FAT2: variants seen among roughly 807,000 people sequenced by gnomAD.
FAT2 encodes the protein FAT atypical cadherin 2.
In FAT2, 150 loss-of-function variants were observed where a neutral mutation model predicts 295.3. The ratio of observed to expected loss-of-function variants is 0.51; its 90% CI spans 0.44 to 0.58. FAT2 has a LOEUF of 0.58. Among genes scored for constraint, FAT2 ranks in the 20% least tolerant of loss-of-function variants. FAT2 has a pLI of 0.00. For missense variants in FAT2, 4,868 were observed against 5,442.7 expected, an observed-to-expected ratio of 0.89 and a Z score of 3.32; for synonymous variants, 2,026 against 2,150.3, an observed-to-expected ratio of 0.94 and a Z score of 1.60.
At position 151,525,866 on chromosome 5, in the gene FAT2, TC is replaced by T. The variant is rs758237903; in HGVS notation, c.10407del (p.Asn3470ThrfsTer8). ...GTCACTCGGAAGGCAGAGCCGTTGTTCCCCTTGGTGATTCGAAACGAGTAGG... is the reference window on the plus strand; with the variant it reads ...GTCACTCGGAAGGCAGAGCCGTTGTTCCCTTGGTGATTCGAAACGAGTAGG... ...GPPYSFRITKGNNGSAFRVTP... is the reference protein window; with the variant it reads ...GPPYSFRITKXNNGSAFRVTP... On this transcript the variant is annotated frameshift_variant, in exon 18 of 24. Transcript: ENST00000261800. LOFTEE classifies it high-confidence loss of function. 6 of 1,613,952 alleles carry T rather than the reference TC, an allele frequency of 3.7e-6. No individual in the cohort carries two copies. The African/African-American group carries it at 8.0e-5, about 22-fold the overall frequency.
rs1270010456 is a variant in FAT2 at position 151,521,389 on chromosome 5, T to C, written c.11204A>G (p.Gln3735Arg). 1.9e-6 allele frequency: 3 copies of C among 1,614,208 alleles called. No individual in the cohort carries two copies. The highest frequency in any genetic ancestry group is 3.3e-5 in the Admixed American group (2 of 60,022). ...CAGATGCACTGTGTTATGGCAGATT[T>C]GACCCTGGCAGGTTGGCCCCTGGCA... ...VPCQGPTCQG[Q>R]ICHNTVHLDP... Residue 3735 changes from glutamine to arginine, a missense_variant, in exon 19 of 24, where the codon CAA becomes CGA. Gln to Arg is a conservative substitution (Grantham distance 43). This residue lies in a region of FAT2 where 1,046 missense variants were observed against 1,210.1 expected (regional missense o/e 0.86). Coordinates refer to ENST00000261800, the MANE Select transcript of FAT2 (RefSeq NM_001447.3).
intron 1 of FAT2, 42 bp from the exon 2 acceptor site, chr5:151,568,993 A>T: frequency 6.6e-7 from 1 of 1,517,066 alleles, no homozygotes; most frequent in Non-Finnish European, 8.8e-7. Context: ...TAGGGGGAAA[A>T]AATGGTTTCT....
intron 1 of FAT2, among the ~76,000 whole-genome samples, chr5:151,575,932 T>C (rs941582537): frequency 6.6e-6 from 1 of 152,248 alleles, no homozygotes; most frequent in Non-Finnish European, 1.5e-5. Context: ...TTTTATCTTA[T>C]TTTAATTCAT....
At chr5:151,553,984 C>T (rs1171491852) in intron 5 of FAT2, among the ~76,000 whole-genome samples, 1 of 152,214 alleles carries the variant, frequency 6.6e-6, no homozygotes, top group African/African-American at 2.4e-5. Context: ...TGGCTTCTCA[C>T]AAGAAAGACG....
At chr5:151,526,300 T>C (rs952020709) in intron 17 of FAT2, among the ~76,000 whole-genome samples, 5 of 152,200 alleles carry the variant, frequency 3.3e-5, no homozygotes, top group Non-Finnish European at 7.3e-5. Context: ...TGTATTTAAA[T>C]TAGTTATTAC....
At chr5:151,539,747 CAGCA>C (rs1451691805) in intron 11 of FAT2, among the ~76,000 whole-genome samples, 1 of 152,230 alleles carries the variant, frequency 6.6e-6, no homozygotes, top group Admixed American at 6.5e-5. Context: ...AGCTCCATGA[CAGCA>C]ATTGTTGGTT....
chr5:151,594,566 A>G (rs1291656130), upstream of FAT2, among the ~76,000 whole-genome samples: 1 of 152,210 alleles, frequency 6.6e-6, no homozygotes, highest in Admixed American at 6.5e-5. Flanking sequence ...AACATTCTAG[A>G]GTTCTAAAGT....
Position 151,567,265 on chromosome 5 carries a change from T to C in FAT2, c.1667A>G (p.Asn556Ser), listed in dbSNP as rs1231201780. The C allele has an allele frequency of 1.2e-6, 2 of 1,614,132 alleles. No individual in the cohort carries two copies. Among genetic ancestry groups the C allele is most frequent in the South Asian group, 2.2e-5 (2 of 91,058 alleles). ...KEVSIFLQLRNLNDNQPMFEE... is the reference protein window; with the variant it reads ...KEVSIFLQLRSLNDNQPMFEE... ...AAACATAGGCTGGTTGTCATTCAAG[T>C]TCCTGAGCTGAAGAAAAATGGACAC... Residue 556 changes from asparagine (N) to serine (S), a missense_variant, in exon 2 of 24, where the codon AAC (asparagine) becomes AGC (serine). Transcript: ENST00000261800.
At position 151,575,720 on chromosome 5, in the gene FAT2, G is replaced by A. The variant is rs184116169; in HGVS notation, c.-20-6769C>T. ...GGATGCAAGCACCAGCACAGAATAA[G>A]GATCCATATTCTAGGAAGAGAGACA... On this transcript the variant is annotated intron_variant, in intron 1 of 23. Coordinates refer to ENST00000261800, the MANE Select transcript of FAT2 (RefSeq NM_001447.3). Among the ~76,000 whole-genome samples the A allele has an allele frequency of 1.2e-3, 178 of 152,312 alleles. 1 individual carries two copies. Among genetic ancestry groups the A allele is most frequent in the Admixed American group, 4.7e-3 (72 of 15,296 alleles).
chr5:151,512,125 G>A lies in FAT2; in HGVS notation c.11905+40C>T. ...GCTTTTCCCACCTGAAGAGCCTTCTGGGATAAACCCTGGGTTCAGCCTGGC... is the reference window on the plus strand; with the variant it reads ...GCTTTTCCCACCTGAAGAGCCTTCTAGGATAAACCCTGGGTTCAGCCTGGC... On this transcript the variant is annotated intron_variant, in intron 21 of 23. Transcript: ENST00000261800. The surrounding 1 kb of genome is among the most constrained non-coding windows in gnomAD (Gnocchi z 4.1). 1 of 1,579,272 alleles carries A rather than the reference G, an allele frequency of 6.3e-7. No individual in the cohort carries two copies.
intron 1 of FAT2, among the ~76,000 whole-genome samples, chr5:151,588,785 G>A (rs1473631305): frequency 1.3e-5 from 2 of 152,160 alleles, no homozygotes; most frequent in Non-Finnish European, 2.9e-5. Context: ...CACTCTAGGA[G>A]GAAGAGAGAA....
chr5:151,514,469 C>T (rs1029828934), intron 20 of FAT2, among the ~76,000 whole-genome samples: 3 of 152,238 alleles, frequency 2.0e-5, no homozygotes, highest in Admixed American at 2.0e-4. Flanking sequence ...AAACCCACAA[C>T]TATGGAAAAA....
rs1757208685 is a variant in FAT2 at position 151,551,473 on chromosome 5, G to A, written c.4290C>T (p.Ala1430=). ...VEVTDGSRTI[A]TQVHIFMIAN... ...CCCAGCCGAGGCCTCTAACCTGTGT[G>A]GCAATGGTGCGGGACCCATCTGTCA... Residue 1430 remains alanine, a synonymous_variant, in exon 7 of 24, where the codon GCC becomes GCT. Coordinates refer to ENST00000261800, the MANE Select transcript of FAT2 (RefSeq NM_001447.3). 1.2e-6 allele frequency: 2 copies of A among 1,614,066 alleles called. No homozygotes were observed. The highest frequency in any genetic ancestry group is 1.7e-6 in the Non-Finnish European group (2 of 1,180,002).
chr5:151,592,701 G>C (rs1457350352), upstream of FAT2, among the ~76,000 whole-genome samples: 1 of 152,158 alleles, frequency 6.6e-6, no homozygotes. Flanking sequence ...CTCCGCATTT[G>C]TTAAATGGGG....
rs1481742360 is a variant in FAT2, at chr5:151,521,391, ACCCTGGCAGGTTGGC to A, written c.11187_11201del (p.Pro3730_Gly3734del). 3 of 1,614,116 alleles carry A rather than the reference ACCCTGGCAGGTTGGC, an allele frequency of 1.9e-6. No individual in the cohort carries two copies. Among genetic ancestry groups the A allele is most frequent in the Non-Finnish European group, 2.5e-6 (3 of 1,180,018 alleles). On this transcript the variant is annotated inframe_deletion, in exon 19 of 24. Coordinates refer to ENST00000261800, the MANE Select transcript of FAT2 (RefSeq NM_001447.3). ...GATGCACTGTGTTATGGCAGATTTG[ACCCTGGCAGGTTGGC>A]CCCTGGCAGGGCACCATGGGCATAG...
chr5:151,561,911 G>A (rs1380703025), intron 3 of FAT2, among the ~76,000 whole-genome samples: 1 of 152,210 alleles, frequency 6.6e-6, no homozygotes, highest in East Asian at 1.9e-4. Context: ...TGCTGTCAGG[G>A]AACTGTTGAT....
In FAT2 at chr5:151,553,216, C is replaced by T. The variant is rs773412435; in HGVS notation, c.4117G>A (p.Val1373Ile). The change falls in exon 6 of 24, where the codon GTA becomes ATA. Residue 1373 changes from valine to isoleucine, a missense_variant. By Grantham distance (29) the Val-to-Ile change is conservative (BLOSUM62 3). Around this residue, in one of 5 missense-constraint regions of FAT2, gnomAD observed 3,297 missense variants for 3,669.4 expected, o/e 0.90. Transcript: ENST00000261800. ...PVNHMVGVISVEGRPGLFWFN... is the reference protein window; with the variant it reads ...PVNHMVGVISIEGRPGLFWFN... ...CAGAAGAGTCCGGGTCTGCCCTCTA[C>T]GCTGATGACCCCCACCATGTGGTTC... 3.2e-5 allele frequency: 51 copies of T among 1,614,134 alleles called. No individual in the cohort carries two copies. The highest frequency in any genetic ancestry group is 1.1e-4 in the African/African-American group (8 of 74,940).
chr5:151,534,424 G>T lies in FAT2; in HGVS notation c.9412C>A (p.Arg3138=), dbSNP rs753694492. The change falls in exon 13 of 24, where the codon CGG becomes AGG. Residue 3138 remains arginine (R), a synonymous_variant. Coordinates refer to ENST00000261800, the MANE Select transcript of FAT2 (RefSeq NM_001447.3). Reference sequence around the variant, plus strand: ...TCAGACTCACCTTGGTCGGGATCCCGGGCAAATACTACAGCCACAGGGGTC... The same window carrying T: ...TCAGACTCACCTTGGTCGGGATCCCTGGCAAATACTACAGCCACAGGGGTC... ...VKTPVAVVFA[R]DPDQGANAQV... is the part of the protein sequence containing the mutation. 1 of 1,607,470 alleles carries T rather than the reference G, an allele frequency of 6.2e-7. No homozygotes were observed. The highest frequency in any genetic ancestry group is 8.5e-7 in the Non-Finnish European group (1 of 1,175,458).
At chr5:151,540,427 A>G (rs1407067643) in intron 11 of FAT2, 140 bp downstream of exon 11, 4 of 476,746 alleles carry the variant, frequency 8.4e-6, no homozygotes, top group Non-Finnish European at 1.1e-5. Context: ...CTGCCCCTCA[A>G]TCTCCCTTCT....
Sources: allele counts gnomAD v4.1 joint callset (sites outside exome capture counted in the v4.1 genomes callset), GRCh38; gene constraint gnomAD v4.1.1; regional missense constraint gnomAD v4.1.1; non-coding constraint Gnocchi (gnomAD v3.1); transcripts MANE v1.5; gene names NCBI Gene and HGNC (gene_info 2026-07-23, HGNC 2026-07-21).